HYDIN: variants seen among roughly 807,000 people sequenced by gnomAD.
The protein encoded by HYDIN is HYDIN axonemal central pair apparatus protein.
A neutral mutation model predicts 403.9 loss-of-function variants in HYDIN; 132 were observed. The observed-to-expected ratio is 0.33, with a 90% CI of 0.28 to 0.38. HYDIN has a LOEUF of 0.38. Among genes scored for constraint, HYDIN ranks in the 10% least tolerant of loss-of-function variants. HYDIN has a pLI of 1.00. For missense variants in HYDIN, 2,827 were observed against 5,009.5 expected (o/e 0.56, Z 13.15); for synonymous variants, 1,202 against 1,891.7 (o/e 0.64, Z 9.46).
chr16:70,872,473 C>T (rs1345558499), intron 64 of HYDIN, among the ~76,000 whole-genome samples: 1 of 148,180 alleles, frequency 6.7e-6, no homozygotes, highest in Non-Finnish European at 1.5e-5. Context: ...CTCATCCATC[C>T]ATTATCCACC....
intron 5 of HYDIN, among the ~76,000 whole-genome samples, chr16:71,170,154 G>T (rs554408428): frequency 6.6e-6 from 1 of 152,306 alleles, no homozygotes; most frequent in South Asian, 2.1e-4. Context: ...GATAAAAGGA[G>T]AGGATCAAGC....
intron 18 of HYDIN, among the ~76,000 whole-genome samples, chr16:71,058,157 G>A (rs201518756): frequency 2.8e-4 from 10 of 35,498 alleles, no homozygotes; most frequent in South Asian, 1.3e-3. Context: ...TGTTTATTGC[G>A]GCATTATTCA....
At chr16:70,923,586 A>G (rs2077061826) in intron 45 of HYDIN, among the ~76,000 whole-genome samples, 1 of 122,224 alleles carries the variant, frequency 8.2e-6, no homozygotes, top group Non-Finnish European at 1.7e-5. Context: ...GCGGATCACG[A>G]GGTCAGGAGA....
intron 45 of HYDIN, among the ~76,000 whole-genome samples, chr16:70,922,983 G>C (rs1286340153): frequency 1.3e-5 from 2 of 151,806 alleles, no homozygotes; most frequent in Non-Finnish European, 2.9e-5. Flanking sequence ...GCCCAGGCTG[G>C]TCTTGAACCC....
At chr16:70,956,102 C>A (rs1288123103) in intron 39 of HYDIN, among the ~76,000 whole-genome samples, 1 of 152,162 alleles carries the variant, frequency 6.6e-6, no homozygotes, top group Non-Finnish European at 1.5e-5. Flanking sequence ...TTACAGGTGT[C>A]AGCCACTGCA....
At position 71,058,422 on chromosome 16, in the gene HYDIN, A is replaced by G. The variant is rs1309134338; in HGVS notation, c.2529+2082T>C. Among the ~76,000 whole-genome samples the G allele has an allele frequency of 6.5e-3, 755 of 116,292 alleles. 8 individuals carry two copies. Among genetic ancestry groups the G allele is most frequent in the African/African-American group, 0.023 (716 of 31,140 alleles). The allele number at this position is 116,292 out of a possible 152,430, so 76.3% of individuals were successfully genotyped here. ...ATCACATGGACACAGGAAGGGGAAC[A>G]TCACACTCTGGGGACTGTGGTGGGG... On this transcript the variant is annotated intron_variant, in intron 18 of 85. Coordinates refer to ENST00000393567, the MANE Select transcript of HYDIN (RefSeq NM_001270974.2).
At chr16:71,199,030 G>A (rs926452018) in intron 1 of HYDIN, among the ~76,000 whole-genome samples, 1 of 152,178 alleles carries the variant, frequency 6.6e-6, no homozygotes, top group African/African-American at 2.4e-5. Context: ...TCTGGTGGAT[G>A]TGTCATGATA....
intron 6 of HYDIN, among the ~76,000 whole-genome samples, chr16:71,157,557 C>A (rs2085824186): frequency 2.0e-5 from 3 of 152,028 alleles, no homozygotes. Context: ...CATCAGCGTT[C>A]TCAGTTGCAA....
chr16:71,074,185 A>C (rs2082556721), intron 13 of HYDIN, among the ~76,000 whole-genome samples: 6 of 151,850 alleles, frequency 4.0e-5, no homozygotes, highest in Admixed American at 2.6e-4. Flanking sequence ...AAACCTTTTT[A>C]AACCCCACAT....
intron 44 of HYDIN, among the ~76,000 whole-genome samples, chr16:70,937,167 G>C (rs1207613426): frequency 6.6e-6 from 1 of 151,728 alleles, no homozygotes; most frequent in Admixed American, 6.6e-5. Flanking sequence ...CGCGTGTGTG[G>C]TGTGACACAA....
chr16:71,116,521 T>G (rs1017582147), intron 9 of HYDIN, among the ~76,000 whole-genome samples: 5 of 152,080 alleles, frequency 3.3e-5, no homozygotes, highest in African/African-American at 1.2e-4. Flanking sequence ...GAGATCCTGA[T>G]TTCATTTCCT....
intron 1 of HYDIN, among the ~76,000 whole-genome samples, chr16:71,210,569 C>G (rs970686600): frequency 1.3e-5 from 2 of 151,832 alleles, no homozygotes; most frequent in African/African-American, 4.8e-5. Context: ...ATGCTTAGAA[C>G]CAGGGTGATG....
chr16:71,074,381 A>G (rs898559202), intron 13 of HYDIN, among the ~76,000 whole-genome samples: 31 of 150,228 alleles, frequency 2.1e-4, no homozygotes, highest in Non-Finnish European at 3.6e-4. Context: ...GTGGGGTAAT[A>G]ATTAGAAAGT....
intron 23 of HYDIN, among the ~76,000 whole-genome samples, 153 bp from the exon 24 acceptor site, chr16:70,992,363 C>CA (rs2079384947): frequency 2.9e-5 from 4 of 138,028 alleles, no homozygotes; most frequent in African/African-American, 1.2e-4. Flanking sequence ...CTTGAACTTG[C>CA]CTTCTTCAAA....
At chr16:70,838,316 G>A (rs2037581147) in intron 76 of HYDIN, among the ~76,000 whole-genome samples, 1 of 151,938 alleles carries the variant, frequency 6.6e-6, no homozygotes, top group African/African-American at 2.4e-5. Flanking sequence ...TCAGCCTCCT[G>A]AGTAGCTGGG....
At chr16:71,218,834 C>T (rs1282595262) in intron 1 of HYDIN, among the ~76,000 whole-genome samples, 1 of 152,126 alleles carries the variant, frequency 6.6e-6, no homozygotes, top group Non-Finnish European at 1.5e-5. Flanking sequence ...ATGCATAAGG[C>T]CCCTTTGTTT....
intron 6 of HYDIN, among the ~76,000 whole-genome samples, chr16:71,158,199 G>C (rs373689529): frequency 6.6e-6 from 1 of 152,154 alleles, no homozygotes; most frequent in African/African-American, 2.4e-5. Context: ...CACGAATCCA[G>C]GTTTTGATGT....
At chr16:71,183,109 G>A (rs2086975223) in intron 3 of HYDIN, among the ~76,000 whole-genome samples, 1 of 152,012 alleles carries the variant, frequency 6.6e-6, no homozygotes, top group Admixed American at 6.6e-5. Flanking sequence ...GGCTATGTCA[G>A]TATTCTAGAT....
intron 11 of HYDIN, among the ~76,000 whole-genome samples, chr16:71,093,127 T>C (rs1409315957): frequency 1.3e-5 from 2 of 151,840 alleles, no homozygotes; most frequent in Non-Finnish European, 2.9e-5. Context: ...AAAATACCTC[T>C]ATAAAAATAC....
Sources: allele counts gnomAD v4.1 joint callset (sites outside exome capture counted in the v4.1 genomes callset), GRCh38; gene constraint gnomAD v4.1.1; transcripts MANE v1.5; gene names NCBI Gene and HGNC (gene_info 2026-07-23, HGNC 2026-07-21).